CAPNS1: variants seen among roughly 807,000 people sequenced by gnomAD.
The protein encoded by CAPNS1 is calpain small subunit 1, also known as CANP small subunit.
In CAPNS1, 32 loss-of-function variants were observed where a neutral mutation model predicts 39.2. The ratio of observed to expected loss-of-function variants is 0.82; its 90% confidence interval spans 0.62 to 1.10. CAPNS1 has a LOEUF of 1.10. CAPNS1 is among the 50% of genes least tolerant of loss of function. CAPNS1 has a pLI of 0.00. For missense variants in CAPNS1, 353 were observed against 373.1 expected, an observed-to-expected ratio of 0.95 and a Z score of 0.44; for synonymous variants, 153 against 136.2, an observed-to-expected ratio of 1.12 and a Z score of -0.86.
chr19:36,140,653 G>C (rs1421804854), intron 1 of CAPNS1: 3 of 260,842 alleles, frequency 1.2e-5, no homozygotes, highest in African/African-American at 6.8e-5. Context: ...CATTCAGGCT[G>C]GGCTCTGGAT....
chr19:36,148,760 C>G (rs1974667696), intron 9 of CAPNS1, among the ~76,000 whole-genome samples: 1 of 151,948 alleles, frequency 6.6e-6, no homozygotes, highest in East Asian at 1.9e-4. Context: ...TTGCAGTGAG[C>G]CAAGATCGTG....
intron 9 of CAPNS1, chr19:36,148,043 G>A (rs1472209270): frequency 6.7e-6 from 1 of 150,356 alleles, no homozygotes; most frequent in Non-Finnish European, 1.5e-5. Context: ...TTGCACTCCA[G>A]CCTCCAACCT....
intron 2 of CAPNS1, 132 bp from the exon 3 acceptor site, chr19:36,142,168 A>G (rs1445172065): frequency 1.3e-6 from 1 of 764,868 alleles, no homozygotes; most frequent in East Asian, 2.5e-5. Flanking sequence ...GGACAAGAAC[A>G]AATGAAAGGC....
At position 36,142,726 on chromosome 19, in the gene CAPNS1, C is replaced by G. The variant is rs756870116; in HGVS notation, c.318C>G (p.Ala106=). 1 of 1,614,060 alleles carries G rather than the reference C, an allele frequency of 6.2e-7. No homozygotes were observed. Among genetic ancestry groups the G allele is most frequent in the East Asian group, 2.2e-5 (1 of 44,866 alleles). ...TCCGGCAGTTCCGGAGACTCTTTGCCCAGCTGGCTGGAGATGTAAGTAACC... is the reference window on the plus strand; with the variant it reads ...TCCGGCAGTTCCGGAGACTCTTTGCGCAGCTGGCTGGAGATGTAAGTAACC... ...EEVRQFRRLF[A]QLAGDDMEVS... The change falls in exon 4 of 11, where the codon GCC becomes GCG. Residue 106 remains alanine, a synonymous_variant. Transcript: ENST00000246533.
At chr19:36,146,828 C>G (rs1158738101) in intron 9 of CAPNS1, among the ~76,000 whole-genome samples, 2 of 152,050 alleles carry the variant, frequency 1.3e-5, no homozygotes, top group African/African-American at 4.8e-5. Flanking sequence ...GCTTCTGATG[C>G]TTTTTGTTAG....
At chr19:36,148,530 G>T (rs62112144) in intron 9 of CAPNS1, among the ~76,000 whole-genome samples, 1 of 146,606 alleles carries the variant, frequency 6.8e-6, no homozygotes, top group South Asian at 2.1e-4. Context: ...AAAAAAAAGG[G>T]CTGGGCATGG....
At chr19:36,141,454 T>C in intron 2 of CAPNS1, 2 of 1,297,100 alleles carry the variant, frequency 1.5e-6, no homozygotes, top group Non-Finnish European at 9.7e-7. Flanking sequence ...AGTCTGATTG[T>C]GTGGGACCAG....
In CAPNS1 at chr19:36,150,172, C is replaced by T. The variant is rs1049643; in HGVS notation, c.*333C>T. 1 of 260,602 alleles carries T rather than the reference C, an allele frequency of 3.8e-6. No homozygotes were observed. The highest frequency in any genetic ancestry group is 2.2e-5 in the African/African-American group (1 of 45,164). The allele number at this position is 260,602 out of a possible 1,614,324, so 16.1% of individuals were successfully genotyped here. A position where few individuals can be genotyped will look rare whatever the true frequency, so the allele number is the denominator to read the frequency against. On this transcript the variant is annotated 3_prime_UTR_variant, in exon 11 of 11. Transcript: ENST00000246533. ...GATGCCTCCATGCCCCGAGGGCCCTCTCTCAGTTCTGGGAGGATGACTCCA... is the reference window on the plus strand; with the variant it reads ...GATGCCTCCATGCCCCGAGGGCCCTTTCTCAGTTCTGGGAGGATGACTCCA...
chr19:36,144,947 G>T (rs765228959), intron 6 of CAPNS1, among the ~76,000 whole-genome samples: 1 of 152,168 alleles, frequency 6.6e-6, no homozygotes, highest in African/African-American at 2.4e-5. Flanking sequence ...ATGATCTTGG[G>T]TAGAGTTTTC....
In CAPNS1 at chr19:36,145,851, T is replaced by C; in HGVS notation, c.502T>C (p.Trp168Arg). The C allele has an allele frequency of 1.9e-6, 3 of 1,614,156 alleles. No individual in the cohort carries two copies. The highest frequency in any genetic ancestry group is 1.7e-6 in the Non-Finnish European group (2 of 1,180,008). Residue 168 changes from tryptophan to arginine, a missense_variant, in exon 7 of 11, where the codon TGG becomes CGG. Trp to Arg is a moderately radical substitution (Grantham distance 101). Transcript: ENST00000246533. The stretch of plus-strand genomic sequence containing the variant: ...GGGCTTTGAGGAATTCAAGTACTTG[T>C]GGAACAACATCAAAAGGTGGCAGGT... ...KLGFEEFKYL[W>R]NNIKRWQAIY...
intron 6 of CAPNS1, chr19:36,144,198 AAAAG>A (rs1196893538): frequency 2.0e-5 from 3 of 151,132 alleles, no homozygotes; most frequent in Non-Finnish European, 4.4e-5. Flanking sequence ...AAAAGAAAAA[AAAAG>A]AAAAATAACA....
Position 36,146,006 on chromosome 19 carries a change from TCA to T in CAPNS1, c.557_558del (p.Ser186TrpfsTer6). ...AIYKQFDTDR[S>X]GTICSSELPG... ...ATACAAACAGTTCGACACTGACCGA[TCA>T]GGGACCATTTGCAGTAGTGAACTCC... is the stretch of plus-strand genomic sequence containing the variant. On this transcript the variant is annotated frameshift_variant, in exon 8 of 11. Transcript: ENST00000246533. LOFTEE classifies it high-confidence loss of function. 5.6e-6 allele frequency: 9 copies of T among 1,614,178 alleles called. No individual in the cohort carries two copies. Among genetic ancestry groups the T allele is most frequent in the Non-Finnish European group, 7.6e-6 (9 of 1,180,022 alleles).
intron 6 of CAPNS1, among the ~76,000 whole-genome samples, chr19:36,145,203 C>CTTTTTTTTTTTTTTTT (rs5827950): frequency 2.5e-5 from 3 of 118,296 alleles, no homozygotes; most frequent in East Asian, 2.6e-4. Context: ...TTTTCTTTCT[C>CTTTTTTTTTTTTTTTT]TTTTTTTTTT....
rs754956978 is a variant in CAPNS1 at position 36,141,137 on chromosome 19, CGGCGGCGGCGGCGGCGGTGGTGGA to C, written c.135_158del (p.Gly49_Gly56del). On this transcript the variant is annotated inframe_deletion, in exon 2 of 11. Transcript: ENST00000246533. Reference sequence around the variant, plus strand: ...GCGGGGCCGGGGGCGGCGGCGGCGGCGGCGGCGGCGGCGGCGGTGGTGGAGGCGGCGGTGGCGGTGGAACGGCCA... The same window carrying C: ...GCGGGGCCGGGGGCGGCGGCGGCGGCGGCGGCGGTGGCGGTGGAACGGCCA... The C allele has an allele frequency of 3.9e-4, 541 of 1,383,176 alleles. 3 individuals carry two copies. Among genetic ancestry groups the C allele is most frequent in the Non-Finnish European group, 4.7e-4 (506 of 1,072,086 alleles). The allele number at this position is 1,383,176 out of a possible 1,614,324, so 85.7% of individuals were successfully genotyped here. A position where few individuals can be genotyped will look rare whatever the true frequency, so the allele number is the denominator to read the frequency against.
intron 9 of CAPNS1, 54 bp downstream of exon 9, chr19:36,146,366 A>G: frequency 8.8e-7 from 1 of 1,138,690 alleles, no homozygotes; most frequent in Non-Finnish European, 1.3e-6. Flanking sequence ...ACCTCTATGG[A>G]CCAAGGTCTC....
chr19:36,142,463 G>A (rs1049774240), intron 3 of CAPNS1, 130 bp downstream of exon 3: 3 of 685,364 alleles, frequency 4.4e-6, no homozygotes, highest in Non-Finnish European at 7.8e-6. Context: ...CTCCCATGCC[G>A]TGTCTGCAGC....
Position 36,149,696 on chromosome 19 carries a change from T to C in CAPNS1, c.780+60T>C, listed in dbSNP as rs192316761. The C allele has an allele frequency of 8.8e-6, 14 of 1,596,692 alleles. No homozygotes were observed. The East Asian group carries it at 2.3e-4, about 26-fold the overall frequency. On this transcript the variant is annotated intron_variant, in intron 10 of 10. Coordinates refer to ENST00000246533, the MANE Select transcript of CAPNS1 (RefSeq NM_001749.4). ...GAGGACCCCACCCCTCAGCCCTTCA[T>C]ACCAGCTCTGAGCTGCAGTCCCCTT...
At chr19:36,141,681 G>A (rs1368985107) in intron 2 of CAPNS1, 1 of 839,760 alleles carries the variant, frequency 1.2e-6, no homozygotes, top group Non-Finnish European at 1.4e-6. Flanking sequence ...AAGACCTAAT[G>A]GGGTAGGGTA....
At chr19:36,149,490 G>T in intron 9 of CAPNS1, 88 bp from the exon 10 acceptor site, 1 of 1,267,180 alleles carries the variant, frequency 7.9e-7, no homozygotes, top group Non-Finnish European at 1.1e-6. Flanking sequence ...TGCTATGATT[G>T]TCATCCCATG....
Sources: allele counts gnomAD v4.1 joint callset (sites outside exome capture counted in the v4.1 genomes callset), GRCh38; gene constraint gnomAD v4.1.1; transcripts MANE v1.5; gene names NCBI Gene and HGNC (gene_info 2026-07-23, HGNC 2026-07-21).